Variants in CLCN3 observed in about 807,000 individuals in gnomAD.
CLCN3 encodes Cl-/H+ antiporter 3, also known as H(+)/Cl(-) exchange transporter 3.
Under a neutral mutation model 83.4 loss-of-function variants are expected in CLCN3, and 16 were observed. The observed-to-expected ratio is 0.19, with a 90% CI of 0.13 to 0.29. The LOEUF (loss-of-function observed/expected upper bound fraction) is 0.29, where lower values mean the gene tolerates loss of function less well. CLCN3 is among the 10% of genes least tolerant of loss of function. The probability of loss-of-function intolerance (pLI) is 1.00; values close to 1 mark genes in which losing one functional copy is unlikely to be tolerated. For missense variants in CLCN3, 544 were observed against 1,006.0 expected (o/e 0.54, Z 6.21); for synonymous variants, 322 against 346.2 (o/e 0.93, Z 0.78).
At chr4:169,632,811 A>G (rs1273135496) in intron 1 of CLCN3, among the ~76,000 whole-genome samples, 2 of 150,760 alleles carry the variant, frequency 1.3e-5, no homozygotes, top group African/African-American at 4.9e-5. Flanking sequence ...TTTGTTTCTT[A>G]AGGGTAGCAG....
chr4:169,692,361 T>C (rs779047089), intron 7 of CLCN3, 41 bp downstream of exon 7: 47 of 862,558 alleles, frequency 5.4e-5, no homozygotes, highest in Non-Finnish European at 7.3e-5. Flanking sequence ...AAAATATATA[T>C]TATATAGTAT....
chr4:169,680,275 G>T (rs1324038359), intron 3 of CLCN3, 68 bp downstream of exon 3: 1 of 1,110,764 alleles, frequency 9.0e-7, no homozygotes, highest in African/African-American at 1.6e-5. Flanking sequence ...ATATATTTCT[G>T]CCAATGATCT....
intron 2 of CLCN3, among the ~76,000 whole-genome samples, chr4:169,648,626 G>T (rs1263302436): frequency 6.6e-6 from 1 of 152,164 alleles, no homozygotes; most frequent in Non-Finnish European, 1.5e-5. Context: ...CAGTGAAGAA[G>T]AATGATGTGT....
At chr4:169,701,897 C>T (rs1465150439) in intron 9 of CLCN3, among the ~76,000 whole-genome samples, 2 of 152,108 alleles carry the variant, frequency 1.3e-5, no homozygotes, top group African/African-American at 4.8e-5. Context: ...TGCTCAGTGG[C>T]CTGCTAGCAC....
intron 2 of CLCN3, among the ~76,000 whole-genome samples, chr4:169,638,851 A>G (rs1730319715): frequency 6.6e-6 from 1 of 152,234 alleles, no homozygotes. Context: ...GTCACTGGCC[A>G]TAATTGGGTC....
intron 12 of CLCN3, among the ~76,000 whole-genome samples, chr4:169,717,433 A>C (rs1253987170): frequency 6.6e-6 from 1 of 152,194 alleles, no homozygotes; most frequent in African/African-American, 2.4e-5. Flanking sequence ...CTGAGGAAAG[A>C]ACATTGTAAA....
intron 1 of CLCN3, among the ~76,000 whole-genome samples, chr4:169,625,157 C>G (rs1224398760): frequency 6.6e-6 from 1 of 152,200 alleles, no homozygotes; most frequent in Non-Finnish European, 1.5e-5. Flanking sequence ...TGAAAATGCT[C>G]CTTACATACA....
intron 8 of CLCN3, among the ~76,000 whole-genome samples, chr4:169,696,512 G>T (rs1472098445): frequency 6.6e-6 from 1 of 151,944 alleles, no homozygotes; most frequent in East Asian, 1.9e-4. Flanking sequence ...AGAGTGATTA[G>T]CAAATCCCTC....
intron 4 of CLCN3, 118 bp from the exon 5 acceptor site, chr4:169,688,925 T>C: frequency 1.4e-6 from 1 of 726,668 alleles, no homozygotes; most frequent in Non-Finnish European, 2.3e-6. Context: ...TTATATGTAG[T>C]TCATAAATGA....
At chr4:169,705,408 G>T (rs970609053) in intron 10 of CLCN3, among the ~76,000 whole-genome samples, 1 of 152,210 alleles carries the variant, frequency 6.6e-6, no homozygotes, top group Admixed American at 6.5e-5. Context: ...AAGTTGGTCA[G>T]ATTTATGGCA....
chr4:169,629,138 AAACGGC>A (rs1560825516), intron 1 of CLCN3, among the ~76,000 whole-genome samples: 1 of 152,218 alleles, frequency 6.6e-6, no homozygotes, highest in Non-Finnish European at 1.5e-5. Flanking sequence ...GATGGCCATA[AAACGGC>A]AACATGAGAG....
intron 2 of CLCN3, among the ~76,000 whole-genome samples, chr4:169,676,806 C>T (rs1046400023): frequency 1.3e-5 from 2 of 151,920 alleles, no homozygotes; most frequent in African/African-American, 4.8e-5. Flanking sequence ...CCCAAAAGCT[C>T]TTTTTCTAAT....
chr4:169,696,947 G>A (rs1357889463), intron 8 of CLCN3, among the ~76,000 whole-genome samples: 1 of 151,416 alleles, frequency 6.6e-6, no homozygotes, highest in African/African-American at 2.4e-5. Flanking sequence ...AACAGCACTA[G>A]GTATTCTATT....
intron 7 of CLCN3, among the ~76,000 whole-genome samples, chr4:169,692,692 A>G (rs1732416855): frequency 6.6e-6 from 1 of 152,136 alleles, no homozygotes; most frequent in African/African-American, 2.4e-5. Flanking sequence ...CTTAATAGCT[A>G]TGTTTTCCTC....
At chr4:169,642,671 A>G (rs1255341228) in intron 2 of CLCN3, 1 of 152,148 alleles carries the variant, frequency 6.6e-6, no homozygotes, top group Non-Finnish European at 1.5e-5. Context: ...GGTGTGCACC[A>G]CCACACCTGG....
chr4:169,719,672 T>G (rs925567533), intron 12 of CLCN3, among the ~76,000 whole-genome samples: 1 of 151,926 alleles, frequency 6.6e-6, no homozygotes, highest in African/African-American at 2.4e-5. Flanking sequence ...CATGCAGTCC[T>G]CAGACTCTCG....
chr4:169,635,764 C>T (rs1721209957), intron 1 of CLCN3, 149 bp from the exon 2 acceptor site: 2 of 493,178 alleles, frequency 4.1e-6, no homozygotes, highest in Non-Finnish European at 6.7e-6. Context: ...TACCTCACCC[C>T]AAAATACTTA....
chr4:169,690,137 C>CTTTTTTTT (rs397769904), intron 5 of CLCN3, among the ~76,000 whole-genome samples: 4 of 110,464 alleles, frequency 3.6e-5, no homozygotes, highest in African/African-American at 7.1e-5. Context: ...TCTTTTCTTT[C>CTTTTTTTT]TTTTTTTTTT....
At chr4:169,712,374 T>G (rs1037271711) in intron 11 of CLCN3, among the ~76,000 whole-genome samples, 3 of 152,146 alleles carry the variant, frequency 2.0e-5, no homozygotes, top group Non-Finnish European at 2.9e-5. Flanking sequence ...TCAGATTTTT[T>G]TTTTAGTTCT....
Sources: gnomAD v4.1 joint callset for allele counts (sites outside exome capture counted in the v4.1 genomes callset) on GRCh38, gnomAD v4.1.1 for gene constraint, MANE v1.5 for transcripts, NCBI Gene and HGNC (gene_info 2026-07-23, HGNC 2026-07-21) for gene names.